Variants in SDK1 observed in about 807,000 individuals in gnomAD.
SDK1 encodes the protein protein sidekick-1.
SDK1 carries 157 observed loss-of-function variants against 245.5 expected under a neutral mutation model. The observed-to-expected ratio is 0.64, with a 90% CI of 0.56 to 0.73. The LOEUF (loss-of-function observed/expected upper bound fraction) is 0.73. Ranked by LOEUF, SDK1 falls within the 30% of genes least tolerant of loss-of-function variation. The pLI is 0.00. For missense variants in SDK1, 3,583 were observed against 3,002.3 expected, an observed-to-expected ratio of 1.19 and a Z score of -4.52; for synonymous variants, 1,647 against 1,278.5, an observed-to-expected ratio of 1.29 and a Z score of -6.15.
At chr7:3,670,997 G>A (rs1233096394) in intron 4 of SDK1, among the ~76,000 whole-genome samples, 2 of 152,054 alleles carry the variant, frequency 1.3e-5, no homozygotes, top group East Asian at 1.9e-4. Flanking sequence ...TAGTTACCAC[G>A]ATTACAGTTA....
At chr7:3,859,316 A>C (rs1202462636) in intron 5 of SDK1, among the ~76,000 whole-genome samples, 2 of 152,118 alleles carry the variant, frequency 1.3e-5, no homozygotes, top group Non-Finnish European at 2.9e-5. Flanking sequence ...GCCTTTGCTC[A>C]TGGCTTGAGG....
chr7:3,323,607 C>G (rs34727194), intron 1 of SDK1, among the ~76,000 whole-genome samples: 1 of 152,148 alleles, frequency 6.6e-6, no homozygotes, highest in Non-Finnish European at 1.5e-5. Flanking sequence ...TTTCGTGTGC[C>G]CCACTCCATC....
intron 5 of SDK1, among the ~76,000 whole-genome samples, chr7:3,904,443 A>G (rs545554855): frequency 1.4e-4 from 21 of 152,120 alleles, no homozygotes; most frequent in Admixed American, 2.0e-4. Context: ...CACACCTGTA[A>G]TGCACTTTGG....
intron 5 of SDK1, among the ~76,000 whole-genome samples, chr7:3,944,685 C>T (rs1251148011): frequency 6.6e-6 from 1 of 152,120 alleles, no homozygotes; most frequent in African/African-American, 2.4e-5. Context: ...TGTCGAAGTC[C>T]ATCTGTTGAC....
chr7:3,648,437 C>G (rs530672366), intron 4 of SDK1, among the ~76,000 whole-genome samples: 57 of 152,256 alleles, frequency 3.7e-4, no homozygotes, highest in Non-Finnish European at 4.7e-4. Context: ...TGTTTCAAAC[C>G]TTCAGTCAGC....
At chr7:4,159,680 G>A (rs1780994010) in intron 31 of SDK1, among the ~76,000 whole-genome samples, 1 of 152,238 alleles carries the variant, frequency 6.6e-6, no homozygotes, top group Non-Finnish European at 1.5e-5. Flanking sequence ...GAGCCGGGCT[G>A]AGCCCCAGGA....
chr7:3,625,942 CT>C (rs3086084), intron 2 of SDK1, among the ~76,000 whole-genome samples: 100 of 129,762 alleles, frequency 7.7e-4, no homozygotes, highest in Admixed American at 1.1e-3. Context: ...TCTTTTCTTT[CT>C]TTTTTTTTTT....
intron 1 of SDK1, among the ~76,000 whole-genome samples, chr7:3,462,736 C>G (rs1443988131): frequency 2.6e-5 from 4 of 152,066 alleles, no homozygotes; most frequent in Admixed American, 2.6e-4. Context: ...TGATCTCTCC[C>G]CTCCTCTCTC....
At chr7:3,639,816 A>T (rs1418661625) in intron 3 of SDK1, among the ~76,000 whole-genome samples, 1 of 151,594 alleles carries the variant, frequency 6.6e-6, no homozygotes, top group African/African-American at 2.4e-5. Context: ...GAGACATAAC[A>T]TATATAATTA....
intron 44 of SDK1, among the ~76,000 whole-genome samples, chr7:4,260,775 T>C (rs112527233): frequency 4.3e-5 from 6 of 140,374 alleles, no homozygotes; most frequent in East Asian, 2.2e-4. Context: ...GGGGTCTCTG[T>C]GTGTGTGGGA....
At chr7:3,679,611 T>C (rs1425651158) in intron 4 of SDK1, among the ~76,000 whole-genome samples, 1 of 152,182 alleles carries the variant, frequency 6.6e-6, no homozygotes. Flanking sequence ...AGACATTTCA[T>C]GGAAGAGGAT....
In SDK1 at chr7:3,749,048, A is replaced by G. The variant is rs139116438; in HGVS notation, c.714-72402A>G. On this transcript the variant is annotated intron_variant, in intron 4 of 44. Coordinates refer to ENST00000404826, the MANE Select transcript of SDK1 (RefSeq NM_152744.4). ...TGCCAGTAATGCGAATATTTTCAAC[A>G]GAGCATATTCTCACTATTCTTTGCC... Among the ~76,000 whole-genome samples the G allele has an allele frequency of 1.3e-3, 193 of 152,360 alleles. 6 individuals carry two copies. In the East Asian group the frequency reaches 0.017, roughly 13 times the overall value.
chr7:3,597,953 T>A (rs1207603247), intron 1 of SDK1, among the ~76,000 whole-genome samples: 3 of 152,210 alleles, frequency 2.0e-5, no homozygotes, highest in African/African-American at 7.2e-5. Flanking sequence ...GGGGGAAATA[T>A]CCAGGCCTGG....
intron 2 of SDK1, among the ~76,000 whole-genome samples, chr7:3,632,181 G>A (rs1782315146): frequency 6.6e-6 from 1 of 152,174 alleles, no homozygotes; most frequent in Non-Finnish European, 1.5e-5. Context: ...AGCAATTAAT[G>A]CTCACAGTAG....
At chr7:4,259,335 T>C (rs1480024349) in intron 44 of SDK1, among the ~76,000 whole-genome samples, 1 of 152,178 alleles carries the variant, frequency 6.6e-6, no homozygotes, top group East Asian at 1.9e-4. Flanking sequence ...GATAGGAGGC[T>C]GAGGCACGAG....
intron 4 of SDK1, among the ~76,000 whole-genome samples, chr7:3,664,382 T>C (rs1342315174): frequency 1.3e-5 from 2 of 152,202 alleles, no homozygotes; most frequent in Non-Finnish European, 1.5e-5. Flanking sequence ...ATCTGTGTAC[T>C]CTGGTCCCTG....
intron 1 of SDK1, among the ~76,000 whole-genome samples, chr7:3,579,711 C>T (rs186935629): frequency 2.6e-5 from 4 of 152,114 alleles, no homozygotes; most frequent in African/African-American, 9.7e-5. Flanking sequence ...TACACCCTGT[C>T]AGTTGGAATG....
chr7:4,221,880 C>T (rs1385534400), intron 40 of SDK1, among the ~76,000 whole-genome samples: 4 of 152,302 alleles, frequency 2.6e-5, no homozygotes, highest in Non-Finnish European at 4.4e-5. Flanking sequence ...TAATTTTTTT[C>T]ACCCTTCCTT....
chr7:3,562,275 C>T (rs1016700634), intron 1 of SDK1, among the ~76,000 whole-genome samples: 6 of 152,200 alleles, frequency 3.9e-5, no homozygotes, highest in Non-Finnish European at 7.3e-5. Context: ...TTGATCCCTA[C>T]CTTTAAGATA....
Sources: allele counts gnomAD v4.1 joint callset (sites outside exome capture counted in the v4.1 genomes callset), GRCh38; gene constraint gnomAD v4.1.1; transcripts MANE v1.5; gene names NCBI Gene and HGNC (gene_info 2026-07-23, HGNC 2026-07-21).